The following OPHN1 variants were observed in gnomAD, a reference collection of about 807,000 sequenced individuals.
OPHN1 encodes oligophrenin-1.
OPHN1 carries 11 observed loss-of-function variants against 60.7 expected under a neutral mutation model. The observed-to-expected ratio is 0.18, with a 90% CI of 0.11 to 0.30. The LOEUF (loss-of-function observed/expected upper bound fraction) is 0.30, where lower values mean the gene tolerates loss of function less well. Among genes scored for constraint, OPHN1 ranks in the 10% least tolerant of loss-of-function variants. The pLI, the probability that OPHN1 is intolerant of heterozygous loss-of-function variation, is 1.00. For missense variants in OPHN1, 449 were observed against 611.0 expected (o/e 0.73, Z 2.80); for synonymous variants, 226 against 222.6 (o/e 1.02, Z -0.14).
rs1048646192 is a variant in OPHN1 at position 68,360,067 on chromosome X, A to T, written c.155-60971T>A. 2.7e-5 allele frequency among the ~76,000 whole-genome samples: 3 copies of T among 110,813 alleles called. No individual in the cohort carries two copies. In the Admixed American group the frequency reaches 2.9e-4, roughly 11 times the overall value. ...TCCTGTGAGGATTAAATAAGTTAAT[A>T]TGTGTAAAGTGCTTAGAACAGTGTC... On this transcript the variant is annotated intron_variant, in intron 2 of 24. Coordinates refer to ENST00000355520, the MANE Select transcript of OPHN1 (RefSeq NM_002547.3).
chrX:68,082,466 G>C (rs1047395574), intron 19 of OPHN1, among the ~76,000 whole-genome samples: 6 of 112,254 alleles, frequency 5.3e-5, no homozygotes, highest in Non-Finnish European at 1.1e-4. Context: ...CTGCAGAATG[G>C]ATGTTGTATT....
chrX:68,426,653 AG>A (rs1330945711), intron 2 of OPHN1, among the ~76,000 whole-genome samples: 3 of 75,946 alleles, frequency 4.0e-5, no homozygotes, highest in Non-Finnish European at 7.9e-5. Context: ...ATTTGAGCCC[AG>A]GAGTTCAAGA....
At chrX:68,273,607 A>G (rs1187136949) in intron 5 of OPHN1, among the ~76,000 whole-genome samples, 1 of 112,227 alleles carries the variant, frequency 8.9e-6, no homozygotes, top group East Asian at 2.8e-4. Context: ...ACTGCTGAGC[A>G]CTTGAAATGT....
intron 2 of OPHN1, among the ~76,000 whole-genome samples, chrX:68,407,060 C>T (rs983465796): frequency 2.7e-5 from 3 of 111,600 alleles, no homozygotes; most frequent in African/African-American, 9.8e-5. Flanking sequence ...AAAAATTAGC[C>T]GGGCGTAGTG....
At chrX:68,182,188 G>GTTT (rs397951860) in intron 15 of OPHN1, among the ~76,000 whole-genome samples, 7,942 of 45,926 alleles carry the variant, frequency 0.17, 938 homozygotes, top group Non-Finnish European at 0.19. Flanking sequence ...AAGCTCTGTA[G>GTTT]TTTTTTTTTT....
At chrX:68,379,978 A>C (rs2078586228) in intron 2 of OPHN1, among the ~76,000 whole-genome samples, 1 of 110,380 alleles carries the variant, frequency 9.1e-6, no homozygotes, top group South Asian at 3.9e-4. Context: ...TTTTCTATTA[A>C]TTGGAATAGT....
chrX:68,104,843 C>CA (rs1265367622), intron 18 of OPHN1, among the ~76,000 whole-genome samples: 1 of 111,526 alleles, frequency 9.0e-6, no homozygotes. Context: ...TTCTGCACAG[C>CA]AAAAGAAACT....
chrX:68,083,831 A>T (rs988352213), intron 19 of OPHN1, among the ~76,000 whole-genome samples: 3 of 111,838 alleles, frequency 2.7e-5, no homozygotes, highest in African/African-American at 9.8e-5. Flanking sequence ...ATAGGGAAGC[A>T]TGAGAGGGAG....
chrX:68,383,639 G>A (rs1406251405), intron 2 of OPHN1, among the ~76,000 whole-genome samples: 2 of 104,698 alleles, frequency 1.9e-5, no homozygotes, highest in Non-Finnish European at 3.9e-5. Context: ...CAATGTTGGA[G>A]GAACATCCTC....
chrX:68,103,066 C>CACA (rs1427377897), intron 18 of OPHN1, among the ~76,000 whole-genome samples: 7 of 111,880 alleles, frequency 6.3e-5, no homozygotes, highest in Admixed American at 5.7e-4. Context: ...TGGCAGAAGA[C>CACA]ACAACAACAA....
At chrX:68,100,914 T>C (rs181573055) in intron 18 of OPHN1, among the ~76,000 whole-genome samples, 3 of 109,946 alleles carry the variant, frequency 2.7e-5, no homozygotes, top group African/African-American at 9.9e-5. Flanking sequence ...GCCCGGCTAA[T>C]TTTTTGTACT....
In OPHN1 at chrX:68,071,305, A is replaced by G. The variant is rs2076933352; in HGVS notation, c.1834+1847T>C. 3 of 762,050 alleles carry G rather than the reference A, an allele frequency of 3.9e-6. No homozygotes were observed. In the Admixed American group the frequency reaches 6.6e-5, roughly 17 times the overall value. The allele number at this position is 762,050 out of a possible 1,213,427, so 62.8% of individuals were successfully genotyped here. A position where few individuals can be genotyped will look rare whatever the true frequency, so the allele number is the denominator to read the frequency against. ...AGCACCATTGACATGCACATTCCCT[A>G]GCTTGGAAAGTGAAGCTCGGAAAGC... is the stretch of plus-strand genomic sequence containing the variant. On this transcript the variant is annotated intron_variant, in intron 20 of 24. Coordinates refer to ENST00000355520, the MANE Select transcript of OPHN1 (RefSeq NM_002547.3).
At chrX:68,296,424 A>G (rs1250611762) in intron 3 of OPHN1, among the ~76,000 whole-genome samples, 1 of 111,050 alleles carries the variant, frequency 9.0e-6, no homozygotes, top group Non-Finnish European at 1.9e-5. Context: ...TGGGAGGCCA[A>G]GATGGGTTGG....
At chrX:68,047,586 GA>G (rs1313504402) in intron 24 of OPHN1, among the ~76,000 whole-genome samples, 1 of 111,268 alleles carries the variant, frequency 9.0e-6, no homozygotes, top group Non-Finnish European at 1.9e-5. Flanking sequence ...CAGTGACAGG[GA>G]AAAAAAGAAG....
intron 5 of OPHN1, among the ~76,000 whole-genome samples, chrX:68,251,687 A>C (rs1330977944): frequency 1.8e-5 from 2 of 111,419 alleles, no homozygotes; most frequent in Non-Finnish European, 3.8e-5. Context: ...ATATCAAGGA[A>C]AATGACTTGT....
At chrX:68,078,977 C>G (rs187071310) in intron 19 of OPHN1, among the ~76,000 whole-genome samples, 3 of 102,518 alleles carry the variant, frequency 2.9e-5, no homozygotes, top group Non-Finnish European at 5.9e-5. Context: ...CAGAGCAAGA[C>G]TGTCTCAAAA....
chrX:68,293,500 T>C (rs73532179), intron 3 of OPHN1, among the ~76,000 whole-genome samples: 2 of 111,929 alleles, frequency 1.8e-5, no homozygotes, highest in African/African-American at 6.5e-5. Flanking sequence ...TTAGCATAAC[T>C]GGGGTGGAAA....
intron 2 of OPHN1, 51 bp downstream of exon 2, chrX:68,432,816 A>C: frequency 8.4e-7 from 1 of 1,191,708 alleles, no homozygotes; most frequent in South Asian, 1.8e-5. Context: ...AAAGGCTTAA[A>C]GGCCAGACAC....
intron 3 of OPHN1, among the ~76,000 whole-genome samples, chrX:68,289,100 T>C (rs961295018): frequency 6.3e-5 from 7 of 110,821 alleles, no homozygotes; most frequent in African/African-American, 2.3e-4. Flanking sequence ...GAAAATTGGC[T>C]AAGAAATGGA....
Sources: allele counts gnomAD v4.1 joint callset (sites outside exome capture counted in the v4.1 genomes callset), GRCh38; gene constraint gnomAD v4.1.1; transcripts MANE v1.5; gene names NCBI Gene and HGNC (gene_info 2026-07-23, HGNC 2026-07-21).